The following USP8 variants were observed in gnomAD, a reference collection of about 807,000 sequenced individuals.
USP8 encodes the protein ubiquitin carboxyl-terminal hydrolase 8.
Under a neutral mutation model 130.0 loss-of-function variants are expected in USP8, and 27 were observed. That is an observed-to-expected ratio of 0.21 (90% confidence interval 0.15 to 0.29). USP8 has a LOEUF of 0.29. Ranked by LOEUF, USP8 falls within the 10% of genes least tolerant of loss-of-function variation. USP8 has a pLI of 1.00. For synonymous variants in USP8, 392 were observed against 444.1 expected (o/e 0.88, Z 1.48); for missense variants, 1,029 against 1,312.2 (o/e 0.78, Z 3.33).
At chr15:50,449,930 G>A (rs2050569659) in intron 4 of USP8, among the ~76,000 whole-genome samples, 1 of 113,902 alleles carries the variant, frequency 8.8e-6, no homozygotes, top group African/African-American at 3.4e-5. Context: ...GAGTCTCACT[G>A]TTGCCCAGGC....
intron 12 of USP8, among the ~76,000 whole-genome samples, chr15:50,486,148 GACCA>G: frequency 6.6e-6 from 1 of 151,988 alleles, no homozygotes; most frequent in African/African-American, 2.4e-5. Context: ...AAAAATCTGA[GACCA>G]GCCTTGGCAA....
chr15:50,471,071 T>C (rs915870167), intron 7 of USP8, among the ~76,000 whole-genome samples: 19 of 152,238 alleles, frequency 1.2e-4, no homozygotes, highest in African/African-American at 4.6e-4. Context: ...TCACTTAATC[T>C]GTTCGTGCCT....
intron 8 of USP8, among the ~76,000 whole-genome samples, chr15:50,474,960 T>C (rs985470933): frequency 2.4e-4 from 37 of 151,808 alleles, no homozygotes; most frequent in African/African-American, 9.0e-4. Flanking sequence ...ATTACAAAAA[T>C]TTGCCGGGCA....
intron 1 of USP8, among the ~76,000 whole-genome samples, chr15:50,427,777 T>C (rs1277696472): frequency 6.6e-6 from 1 of 151,930 alleles, no homozygotes; most frequent in Non-Finnish European, 1.5e-5. Flanking sequence ...CAGGCTGGTC[T>C]TGAACTCCTG....
At chr15:50,437,739 G>C (rs2050131288) in intron 1 of USP8, among the ~76,000 whole-genome samples, 2 of 152,212 alleles carry the variant, frequency 1.3e-5, no homozygotes, top group South Asian at 4.1e-4. Context: ...ATGAATTGTT[G>C]ATGAATTAGA....
intron 7 of USP8, among the ~76,000 whole-genome samples, chr15:50,468,383 T>C (rs951764709): frequency 1.3e-5 from 2 of 151,022 alleles, no homozygotes; most frequent in Admixed American, 6.6e-5. Flanking sequence ...GCTGGGATTA[T>C]AGGTGTGCGC....
chr15:50,481,848 A>C lies in USP8; in HGVS notation c.1586A>C (p.Glu529Ala). The C allele has an allele frequency of 3.3e-6, 5 of 1,531,682 alleles. No individual in the cohort carries two copies. Among genetic ancestry groups the C allele is most frequent in the Non-Finnish European group, 4.4e-6 (5 of 1,145,366 alleles). The allele number at this position is 1,531,682 out of a possible 1,614,324, so 94.9% of individuals were successfully genotyped here. The stretch of plus-strand genomic sequence containing the variant: ...GCAAAAGAAGAAATGGAGAAGAAAG[A>C]AAGTGAACAGGCCAAGAAAGAAGAT... The part of the protein sequence containing the change: ...QKAKEEMEKK[E>A]SEQAKKEDKE... Residue 529 changes from glutamate to alanine, a missense_variant, in exon 11 of 20, where the codon GAA becomes GCA. By Grantham distance (107) the Glu-to-Ala change is moderately radical (BLOSUM62 -1). Around this residue, in one of 4 missense-constraint regions of USP8, gnomAD observed 486 missense variants for 522.0 expected, o/e 0.93. Coordinates refer to ENST00000307179, the MANE Select transcript of USP8 (RefSeq NM_005154.5).
chr15:50,440,145 C>T (rs879444742), intron 2 of USP8, among the ~76,000 whole-genome samples: 7 of 152,000 alleles, frequency 4.6e-5, no homozygotes, highest in Admixed American at 4.6e-4. Context: ...ATTTATCTTG[C>T]GAAGTTGGGA....
chr15:50,498,531 TAATG>T (rs2141331827), intron 18 of USP8, 61 bp from the exon 19 acceptor site: 1 of 1,484,032 alleles, frequency 6.7e-7, no homozygotes, highest in South Asian at 1.5e-5. Context: ...ATCTAGATGT[TAATG>T]AATGAGGATT....
chr15:50,497,202 AC>A lies in USP8; in HGVS notation c.3011del (p.Pro1004HisfsTer5). On this transcript the variant is annotated frameshift_variant, in exon 18 of 20. Transcript: ENST00000307179. LOFTEE classifies it high-confidence loss of function. ...TAAAAAAGATAGAAATCTGGAAGTTACCACCTGTGCTTTTAGTGCATCTGAA... is the reference window on the plus strand; with the variant it reads ...TAAAAAAGATAGAAATCTGGAAGTTACACCTGTGCTTTTAGTGCATCTGAA... ...SLKKIEIWKL[P>X]PVLLVHLKRF... 6.2e-7 allele frequency: 1 copy of A among 1,610,860 alleles called. No homozygotes were observed. Among genetic ancestry groups the A allele is most frequent in the South Asian group, 1.1e-5 (1 of 90,364 alleles).
intron 1 of USP8, among the ~76,000 whole-genome samples, chr15:50,433,226 T>C (rs2049984521): frequency 6.7e-6 from 1 of 148,878 alleles, no homozygotes; most frequent in African/African-American, 2.5e-5. Flanking sequence ...AGAGTGAGAC[T>C]CCGTCTCCAA....
intron 1 of USP8, among the ~76,000 whole-genome samples, chr15:50,435,537 A>G (rs1306816637): frequency 2.0e-5 from 3 of 152,318 alleles, no homozygotes; most frequent in African/African-American, 7.2e-5. Flanking sequence ...AGGAATTACT[A>G]TATATGTTTT....
At chr15:50,471,909 T>C (rs2051390066) in intron 8 of USP8, 114 bp downstream of exon 8, 2 of 1,281,826 alleles carry the variant, frequency 1.6e-6, no homozygotes, top group Non-Finnish European at 2.2e-6. Context: ...TGCCTTTTTT[T>C]TTTTTTTTTG....
intron 2 of USP8, among the ~76,000 whole-genome samples, chr15:50,440,716 A>C (rs936730056): frequency 2.6e-5 from 4 of 152,016 alleles, no homozygotes; most frequent in African/African-American, 9.7e-5. Context: ...AGAATGCGCA[A>C]CCTTGGCTAG....
rs2052575092 is a variant in USP8 at position 50,500,992 on chromosome 15, C to T, written c.*1904C>T. The T allele has an allele frequency of 1.6e-6, 1 of 617,544 alleles. No individual in the cohort carries two copies. Among genetic ancestry groups the T allele is most frequent in the East Asian group, 2.9e-5 (1 of 34,602 alleles). 38.3% of individuals were successfully genotyped at this position (617,544 alleles called of 1,614,324 possible). On this transcript the variant is annotated 3_prime_UTR_variant, in exon 20 of 20. Transcript: ENST00000307179. ...TTGTTAAATCATGCATATAGCCTGA[C>T]TGCTATATTGCTTCTCATTTCATTG...
At chr15:50,433,618 A>AT (rs1022020137) in intron 1 of USP8, among the ~76,000 whole-genome samples, 44 of 150,596 alleles carry the variant, frequency 2.9e-4, no homozygotes, top group African/African-American at 7.4e-4. Context: ...TTATTTATTT[A>AT]TTTTTTTTTG....
At chr15:50,462,400 A>G in intron 6 of USP8, 78 bp downstream of exon 6, 1 of 1,285,046 alleles carries the variant, frequency 7.8e-7, no homozygotes, top group Non-Finnish European at 1.1e-6. Flanking sequence ...CAGGTTTTAT[A>G]CAATGAGATT....
chr15:50,444,261 G>T (rs949435286), intron 3 of USP8, among the ~76,000 whole-genome samples: 4 of 151,474 alleles, frequency 2.6e-5, no homozygotes, highest in Non-Finnish European at 4.4e-5. Flanking sequence ...CCGCCACCAC[G>T]CCTGGCCTAA....
chr15:50,431,092 A>G (rs1298134883), intron 1 of USP8, among the ~76,000 whole-genome samples: 2 of 151,706 alleles, frequency 1.3e-5, no homozygotes, highest in Non-Finnish European at 2.9e-5. Context: ...GATCAGTTTT[A>G]AACTGCAGTA....
Sources: gnomAD v4.1 joint callset for allele counts (sites outside exome capture counted in the v4.1 genomes callset) on GRCh38, gnomAD v4.1.1 for gene constraint, gnomAD v4.1.1 regional missense constraint, MANE v1.5 for transcripts, NCBI Gene and HGNC (gene_info 2026-07-23, HGNC 2026-07-21) for gene names.